The following MCPH1 variants were observed in gnomAD, a reference collection of about 807,000 sequenced individuals.
MCPH1 encodes microcephalin 1.
A neutral mutation model predicts 84.5 loss-of-function variants in MCPH1; 104 were observed. The observed-to-expected ratio is 1.23, with a 90% CI of 1.05 to 1.45. The LOEUF is 1.45. Ranked by LOEUF, MCPH1 falls within the 40% of genes most tolerant of loss-of-function variation. The probability of loss-of-function intolerance (pLI) is 0.00; values close to 1 mark genes in which losing one functional copy is unlikely to be tolerated. For synonymous variants in MCPH1, 514 were observed against 366.8 expected (o/e 1.40, Z -4.58); for missense variants, 1,498 against 1,005.7 (o/e 1.49, Z -6.62).
chr8:6,487,279 A>G (rs1190311153), intron 11 of MCPH1, among the ~76,000 whole-genome samples: 1 of 152,252 alleles, frequency 6.6e-6, no homozygotes, highest in Non-Finnish European at 1.5e-5. Flanking sequence ...TCTTGAGATA[A>G]TGTGATCCAC....
At chr8:6,409,534 G>A (rs1798246062) in intron 2 of MCPH1, among the ~76,000 whole-genome samples, 164 bp downstream of exon 2, 1 of 152,094 alleles carries the variant, frequency 6.6e-6, no homozygotes, top group African/African-American at 2.4e-5. Context: ...TAGAACAGTA[G>A]GACTTTCAGA....
At chr8:6,478,073 A>G (rs142867467) in intron 10 of MCPH1, among the ~76,000 whole-genome samples, 2 of 152,378 alleles carry the variant, frequency 1.3e-5, no homozygotes, top group Non-Finnish European at 2.9e-5. Flanking sequence ...AACATTTAAC[A>G]CAACAAAGAA....
chr8:6,626,044 A>C (rs938754564), intron 13 of MCPH1: 2 of 985,176 alleles, frequency 2.0e-6, no homozygotes, highest in Non-Finnish European at 1.2e-6. Flanking sequence ...ACCACAGTCC[A>C]CCCGCCAGCC....
Position 6,568,233 on chromosome 8 carries a change from G to A in MCPH1, c.2215-53221G>A, listed in dbSNP as rs183198063. On this transcript the variant is annotated intron_variant, in intron 12 of 13. Transcript: ENST00000344683. Reference sequence around the variant, plus strand: ...CCTGAGGACCGTGGAAGTGGGTGGCGCGTGGACCCATCGCTAGCTGAATGT... The same window carrying A: ...CCTGAGGACCGTGGAAGTGGGTGGCACGTGGACCCATCGCTAGCTGAATGT... Among the ~76,000 whole-genome samples the A allele has an allele frequency of 1.7e-4, 26 of 148,618 alleles. No homozygotes were observed. The East Asian group carries it at 4.8e-3, about 28-fold the overall frequency.
At chr8:6,467,063 A>AT (rs1387796902) in intron 9 of MCPH1, among the ~76,000 whole-genome samples, 6 of 152,246 alleles carry the variant, frequency 3.9e-5, no homozygotes, top group African/African-American at 1.4e-4. Context: ...TACAATGACA[A>AT]AAACTGCAAT....
chr8:6,609,470 C>G (rs1830062832), intron 12 of MCPH1, among the ~76,000 whole-genome samples: 1 of 152,196 alleles, frequency 6.6e-6, no homozygotes, highest in Admixed American at 6.5e-5. Flanking sequence ...AGAAAAAAAC[C>G]TCAAATGATG....
intron 12 of MCPH1, among the ~76,000 whole-genome samples, chr8:6,612,322 C>G (rs540051784): frequency 6.6e-6 from 1 of 152,298 alleles, no homozygotes; most frequent in Non-Finnish European, 1.5e-5. Context: ...CAAGGCCAAC[C>G]TCCTCTCCTC....
chr8:6,570,803 G>GTTTTTT (rs10548398), intron 12 of MCPH1, among the ~76,000 whole-genome samples: 11 of 108,670 alleles, frequency 1.0e-4, no homozygotes, highest in Non-Finnish European at 1.4e-4. Context: ...ATGGATTGTT[G>GTTTTTT]TTTTTTTTTT....
chr8:6,446,854 G>C, intron 8 of MCPH1: 1 of 985,338 alleles, frequency 1.0e-6, no homozygotes, highest in Non-Finnish European at 1.2e-6. Context: ...CTCGGAAGCA[G>C]GTGTGTTATG....
rs1563258290 is a variant in MCPH1, at chr8:6,474,288, A to G, written c.1936-3306A>G. 55 of 527,938 alleles carry G rather than the reference A, an allele frequency of 1.0e-4. No individual in the cohort carries two copies. The South Asian group carries it at 1.1e-3, about 11-fold the overall frequency. 32.7% of individuals were successfully genotyped at this position (527,938 alleles called of 1,614,324 possible). ...TTAATGTATTTCAATCCTGATTTTG[A>G]TTCTGATATGTGGTTTTTCCAACCT... On this transcript the variant is annotated intron_variant, in intron 9 of 13. Coordinates refer to ENST00000344683, the MANE Select transcript of MCPH1 (RefSeq NM_024596.5).
chr8:6,553,182 G>C (rs1487666132), intron 12 of MCPH1, among the ~76,000 whole-genome samples: 1 of 152,146 alleles, frequency 6.6e-6, no homozygotes, highest in Non-Finnish European at 1.5e-5. Context: ...TAGGGGAGGT[G>C]GCTGTGTGTG....
At chr8:6,561,713 A>G (rs1481946083) in intron 12 of MCPH1, among the ~76,000 whole-genome samples, 3 of 152,252 alleles carry the variant, frequency 2.0e-5, no homozygotes, top group Admixed American at 6.5e-5. Flanking sequence ...TAGAATATAT[A>G]TAGTCCATAT....
chr8:6,457,266 T>G (rs1323881705), intron 9 of MCPH1, among the ~76,000 whole-genome samples: 1 of 152,232 alleles, frequency 6.6e-6, no homozygotes, highest in African/African-American at 2.4e-5. Context: ...CTTCTGGTTC[T>G]GTGTGAAGAA....
chr8:6,621,077 A>G (rs1201907709), intron 12 of MCPH1: 1 of 339,858 alleles, frequency 2.9e-6, no homozygotes, highest in Non-Finnish European at 5.6e-6. Flanking sequence ...TTTGCAGTGC[A>G]TTAGAATCTT....
intron 12 of MCPH1, among the ~76,000 whole-genome samples, chr8:6,583,195 G>A (rs555886281): frequency 1.3e-5 from 2 of 150,926 alleles, no homozygotes; most frequent in South Asian, 2.1e-4. Context: ...TTTTTTCTCT[G>A]CTTTATTTAA....
At chr8:6,505,417 A>G (rs374951044) in intron 12 of MCPH1, among the ~76,000 whole-genome samples, 1,170 of 70,370 alleles carry the variant, frequency 0.017, 197 homozygotes, top group South Asian at 0.063. Context: ...TATTCTTTAT[A>G]TACATAAAGA....
chr8:6,448,803 A>G (rs894936470), intron 8 of MCPH1, among the ~76,000 whole-genome samples: 6 of 152,202 alleles, frequency 3.9e-5, no homozygotes, highest in Non-Finnish European at 5.9e-5. Flanking sequence ...GGGTCAGCAC[A>G]CTTTTTCTGT....
intron 1 of MCPH1, among the ~76,000 whole-genome samples, chr8:6,408,967 C>T (rs1798146153): frequency 6.6e-6 from 1 of 151,820 alleles, no homozygotes; most frequent in African/African-American, 2.4e-5. Flanking sequence ...CTCACTGCAA[C>T]CTCTGCCTCC....
chr8:6,557,327 C>G (rs1824789675), intron 12 of MCPH1, among the ~76,000 whole-genome samples: 1 of 152,042 alleles, frequency 6.6e-6, no homozygotes, highest in Non-Finnish European at 1.5e-5. Context: ...ACCATACCTA[C>G]CATACTTGTG....
Sources: gnomAD v4.1 joint callset for allele counts (sites outside exome capture counted in the v4.1 genomes callset) on GRCh38, gnomAD v4.1.1 for gene constraint, MANE v1.5 for transcripts, NCBI Gene and HGNC (gene_info 2026-07-23, HGNC 2026-07-21) for gene names.